The following ANKRD11 variants were observed in gnomAD, a reference collection of about 807,000 sequenced individuals.
The protein encoded by ANKRD11 is ankyrin repeat domain 11.
Under a neutral mutation model 195.7 loss-of-function variants are expected in ANKRD11, and 17 were observed. The observed-to-expected ratio is 0.09, with a 90% CI of 0.06 to 0.13. ANKRD11 has a LOEUF of 0.13. Among genes scored for constraint, ANKRD11 ranks in the 10% least tolerant of loss-of-function variants. The pLI is 1.00. For missense variants in ANKRD11, 3,735 were observed against 3,566.1 expected, an observed-to-expected ratio of 1.05 and a Z score of -1.21; for synonymous variants, 1,953 against 1,528.1, an observed-to-expected ratio of 1.28 and a Z score of -6.49.
Position 89,280,484 on chromosome 16 carries a change from C to T in ANKRD11, c.6058G>A (p.Ala2020Thr), listed in dbSNP as rs755603365. ...ASEAPYPAPP[A>T]SPAPYALPVA... ...GGCAGAGCGTACGGGGCAGGAGAGG[C>T]GGGAGGGGCGGGGTACGGCGCCTCC... is the stretch of plus-strand genomic sequence containing the variant. The change falls in exon 9 of 13, where the codon GCC (alanine) becomes ACC (threonine). Residue 2020 changes from alanine (A) to threonine (T), a missense_variant. By Grantham distance (58) the Ala-to-Thr change is moderately conservative. Coordinates refer to ENST00000301030, the MANE Select transcript of ANKRD11 (RefSeq NM_013275.6). 4.5e-6 allele frequency: 7 copies of T among 1,572,558 alleles called. No individual in the cohort carries two copies. The highest frequency in any genetic ancestry group is 1.1e-5 in the South Asian group (1 of 87,070).
Position 89,445,036 on chromosome 16 carries a change from A to G in ANKRD11, c.-144-26668T>C, listed in dbSNP as rs568235855. On this transcript the variant is annotated intron_variant, in intron 1 of 12. Coordinates refer to ENST00000301030, the MANE Select transcript of ANKRD11 (RefSeq NM_013275.6). ...CCCGTTCAGCACCTGCCCTTGCACC[A>G]CCCACCTGGAGGCTCAGCATCCAGG... 2.6e-5 allele frequency among the ~76,000 whole-genome samples: 4 copies of G among 151,988 alleles called. No homozygotes were observed. In the East Asian group the frequency reaches 7.8e-4, roughly 30 times the overall value.
chr16:89,275,197 G>T lies in ANKRD11; in HGVS notation c.7471-6C>A. Reference sequence around the variant, plus strand: ...AGGGAGGGAGGGGGTGCGATCTACAGGCAAAAGGTGAGTGTGGGGGGTCAG... The same window carrying T: ...AGGGAGGGAGGGGGTGCGATCTACATGCAAAAGGTGAGTGTGGGGGGTCAG... On this transcript the variant is annotated splice_polypyrimidine_tract_variant and splice_region_variant and intron_variant, in intron 9 of 12. Transcript: ENST00000301030. 6.2e-7 allele frequency: 1 copy of T among 1,602,638 alleles called. No individual in the cohort carries two copies.
rs185782348 is a variant in ANKRD11, at chr16:89,353,055, T to C, written c.-59-35977A>G. ...GAGTTAAAATTATAACAAGAGAAAG[T>C]AGGGCTGGGCGCGGTGGCTCACGCC... On this transcript the variant is annotated intron_variant, in intron 2 of 12. Coordinates refer to ENST00000301030, the MANE Select transcript of ANKRD11 (RefSeq NM_013275.6). Among the ~76,000 whole-genome samples the C allele has an allele frequency of 9.4e-4, 143 of 152,306 alleles. No homozygotes were observed. The Middle Eastern group carries it at 0.01, about 11-fold the overall frequency.
rs1397280617 is a variant in ANKRD11, at chr16:89,284,525, G to C, written c.2017C>G (p.Leu673Val). 20 of 1,614,054 alleles carry C rather than the reference G, an allele frequency of 1.2e-5. 1 individual carries two copies. The highest frequency in any genetic ancestry group is 3.3e-4 in the Middle Eastern group (2 of 6,062). Reference protein sequence around the residue: ...DSKQKSDKAILLENDLSTENK... With the variant: ...DSKQKSDKAIVLENDLSTENK... ...TCAGTGGAAAGATCATTCTCTAACA[G>C]TATAGCCTTATCTGACTTCTGCTTG... The change falls in exon 9 of 13, where the codon CTG becomes GTG. Residue 673 changes from leucine to valine, a missense_variant. Transcript: ENST00000301030.
rs74033734 is a variant in ANKRD11 at position 89,285,246 on chromosome 16, C to G, written c.1296G>C (p.Thr432=). 3.0e-3 allele frequency: 4,795 copies of G among 1,613,728 alleles called. 106 individuals carry two copies. In the African/African-American group the frequency reaches 0.057, roughly 19 times the overall value. Residue 432 remains threonine (T), a synonymous_variant, in exon 9 of 13, where the codon ACG becomes ACC. Coordinates refer to ENST00000301030, the MANE Select transcript of ANKRD11 (RefSeq NM_013275.6). The surrounding 1 kb of genome is among the most constrained non-coding windows in gnomAD (Gnocchi z 5.6). ...TGEKLRLSAH[T]ILPGSKTREP... ...CTCGTGTCTTACTACCAGGCAATAT[C>G]GTATGTGCCGAGAGTCTCAGCTTCT...
At chr16:89,464,337 G>A (rs1483020751) in intron 1 of ANKRD11, among the ~76,000 whole-genome samples, 1 of 151,788 alleles carries the variant, frequency 6.6e-6, no homozygotes, top group South Asian at 2.1e-4. Flanking sequence ...GGCAGAGCGT[G>A]GTGGCTCACG....
At chr16:89,331,184 C>A (rs890934332) in intron 2 of ANKRD11, among the ~76,000 whole-genome samples, 3 of 152,196 alleles carry the variant, frequency 2.0e-5, no homozygotes, top group Non-Finnish European at 4.4e-5. Flanking sequence ...GAACTCCTGA[C>A]CTCAGGTGAT....
intron 2 of ANKRD11, among the ~76,000 whole-genome samples, chr16:89,362,764 T>C (rs1353103115): frequency 6.6e-6 from 1 of 152,218 alleles, no homozygotes; most frequent in East Asian, 1.9e-4. Context: ...AAGCAAGCAT[T>C]AGGTCACGGC....
intron 2 of ANKRD11, among the ~76,000 whole-genome samples, chr16:89,317,564 T>C (rs1265511941): frequency 6.6e-6 from 1 of 152,162 alleles, no homozygotes; most frequent in Non-Finnish European, 1.5e-5. Context: ...AAGGAGCTCC[T>C]GTCCCCACCA....
chr16:89,440,997 G>A (rs1367303607), intron 1 of ANKRD11, among the ~76,000 whole-genome samples: 1 of 152,178 alleles, frequency 6.6e-6, no homozygotes, highest in South Asian at 2.1e-4. Flanking sequence ...CAGCACTTTG[G>A]GAGGCCGAGG....
chr16:89,287,956 C>T, intron 7 of ANKRD11: 4 of 459,258 alleles, frequency 8.7e-6, no homozygotes, highest in South Asian at 5.6e-5. Context: ...ATCAGTGAGA[C>T]CCGCCGCATC....
intron 2 of ANKRD11, among the ~76,000 whole-genome samples, chr16:89,382,011 C>G (rs1016063787): frequency 6.6e-6 from 1 of 152,174 alleles, no homozygotes; most frequent in African/African-American, 2.4e-5. Flanking sequence ...CTTTACAAAC[C>G]GTGCAAGCAG....
At chr16:89,300,123 C>T (rs199896806) in intron 4 of ANKRD11, 12 of 40,552 alleles carry the variant, frequency 3.0e-4, no homozygotes, top group Non-Finnish European at 4.7e-4. Context: ...GGGGTGCGTG[C>T]GGTCTGTGCC....
chr16:89,448,724 C>T (rs1260480777), intron 1 of ANKRD11, among the ~76,000 whole-genome samples: 1 of 152,088 alleles, frequency 6.6e-6, no homozygotes, highest in Non-Finnish European at 1.5e-5. Flanking sequence ...CTTACAGTAC[C>T]CTAAAATCAT....
At chr16:89,313,547 T>G in intron 3 of ANKRD11, 1 of 1,289,222 alleles carries the variant, frequency 7.8e-7, no homozygotes, top group Non-Finnish European at 1.0e-6. Context: ...CATTTCCATC[T>G]TCCACGTATA....
At chr16:89,409,351 A>C (rs1240195312) in intron 2 of ANKRD11, among the ~76,000 whole-genome samples, 1 of 152,112 alleles carries the variant, frequency 6.6e-6, no homozygotes, top group Admixed American at 6.5e-5. Flanking sequence ...TTCAAGATCC[A>C]CCTATCAACA....
intron 1 of ANKRD11, among the ~76,000 whole-genome samples, chr16:89,466,046 C>T (rs1260157494): frequency 2.0e-5 from 3 of 152,100 alleles, no homozygotes; most frequent in African/African-American, 7.2e-5. Flanking sequence ...GTGCCAATCA[C>T]AACAGGGACC....
intron 3 of ANKRD11, among the ~76,000 whole-genome samples, chr16:89,311,363 A>C (rs750839708): frequency 5.3e-5 from 8 of 152,146 alleles, no homozygotes; most frequent in Admixed American, 2.6e-4. Context: ...ATCCTGTAGT[A>C]CCTTTGTCTG....
intron 1 of ANKRD11, among the ~76,000 whole-genome samples, chr16:89,471,309 C>T (rs1203429095): frequency 2.0e-5 from 3 of 152,136 alleles, no homozygotes; most frequent in Non-Finnish European, 4.4e-5. Context: ...TGTGCAAAAC[C>T]TAAAAGCCTG....
Sources: allele counts gnomAD v4.1 joint callset (sites outside exome capture counted in the v4.1 genomes callset), GRCh38; gene constraint gnomAD v4.1.1; non-coding constraint Gnocchi (gnomAD v3.1); transcripts MANE v1.5; gene names NCBI Gene and HGNC (gene_info 2026-07-23, HGNC 2026-07-21).